The following NIN variants were observed in gnomAD, a reference collection of about 807,000 sequenced individuals.
NIN encodes ninein.
In NIN, 137 loss-of-function variants were observed where a neutral mutation model predicts 257.6. The ratio of observed to expected loss-of-function variants is 0.53; its 90% confidence interval spans 0.46 to 0.61. The LOEUF (loss-of-function observed/expected upper bound fraction) is 0.61. NIN is among the 20% of genes least tolerant of loss of function. The pLI, the probability that NIN is intolerant of heterozygous loss-of-function variation, is 0.00. For missense variants in NIN, 2,439 were observed against 2,501.2 expected, an observed-to-expected ratio of 0.98 and a Z score of 0.53; for synonymous variants, 918 against 919.8, an observed-to-expected ratio of 1.00 and a Z score of 0.04.
At chr14:50,745,189 G>T (rs914561789) in intron 22 of NIN, among the ~76,000 whole-genome samples, 1 of 152,114 alleles carries the variant, frequency 6.6e-6, no homozygotes, top group African/African-American at 2.4e-5. Flanking sequence ...TTTTGGGCTG[G>T]ATAATTCTTC....
At chr14:50,815,115 T>C (rs1254933840) in intron 3 of NIN, among the ~76,000 whole-genome samples, 1 of 152,080 alleles carries the variant, frequency 6.6e-6, no homozygotes, top group Non-Finnish European at 1.5e-5. Flanking sequence ...ACCTACAGAA[T>C]AGGAGAAAAT....
At chr14:50,732,204 C>T (rs2040746940) in intron 28 of NIN, among the ~76,000 whole-genome samples, 1 of 152,100 alleles carries the variant, frequency 6.6e-6, no homozygotes. Context: ...GACTACTTCC[C>T]CCAAGGGAGT....
Position 50,791,805 on chromosome 14 carries a change from G to GCACACACACAAACACA in NIN, c.435+906_435+907insTGTGTTTGTGTGTGTG, listed in dbSNP as rs1254307573. Among the ~76,000 whole-genome samples, 19 of 23,098 alleles carry GCACACACACAAACACA rather than the reference G, an allele frequency of 8.2e-4. No homozygotes were observed. In the East Asian group the frequency reaches 0.045, roughly 55 times the overall value. The allele number at this position is 23,098 out of a possible 152,430, so 15.2% of individuals were successfully genotyped here. On this transcript the variant is annotated intron_variant, in intron 5 of 30. Coordinates refer to ENST00000530997, the MANE Select transcript of NIN (RefSeq NM_020921.4). ...GACCACAATGAACACACAGGTGCAC[G>GCACACACACAAACACA]CGCACACACACACACACACACACAC...
chr14:50,789,296 C>T (rs1481201155), intron 5 of NIN, among the ~76,000 whole-genome samples: 1 of 152,144 alleles, frequency 6.6e-6, no homozygotes, highest in Non-Finnish European at 1.5e-5. Flanking sequence ...TGTCAGAGGC[C>T]GGGAGCGGTG....
chr14:50,790,356 A>G (rs1179712358), intron 5 of NIN, among the ~76,000 whole-genome samples: 1 of 152,156 alleles, frequency 6.6e-6, no homozygotes, highest in East Asian at 1.9e-4. Context: ...CAGCACTGAA[A>G]CTTAATTTTT....
chr14:50,731,004 G>A (rs751596271), intron 28 of NIN: 11 of 1,237,596 alleles, frequency 8.9e-6, no homozygotes, highest in Admixed American at 4.0e-5. Flanking sequence ...GTTAGCCACA[G>A]ACAAGACAAA....
chr14:50,823,145 T>A (rs755682751), intron 2 of NIN: 2 of 533,942 alleles, frequency 3.7e-6, no homozygotes, highest in East Asian at 8.4e-5. Flanking sequence ...ATTTTACTAA[T>A]GAAATCTGTG....
chr14:50,725,111 TTTTC>T (rs1386708708), intron 30 of NIN, among the ~76,000 whole-genome samples: 1 of 152,170 alleles, frequency 6.6e-6, no homozygotes, highest in Non-Finnish European at 1.5e-5. Context: ...GAATGGGACT[TTTTC>T]TTCCCTGTGT....
rs201200700 is a variant in NIN, at chr14:50,752,049, AT to A, written c.4950+468del. Among the ~76,000 whole-genome samples, 1,024 of 152,182 alleles carry A rather than the reference AT, an allele frequency of 6.7e-3. 15 individuals are homozygous for A. Among genetic ancestry groups the A allele is most frequent in the African/African-American group, 0.023 (944 of 41,522 alleles). On this transcript the variant is annotated intron_variant, in intron 21 of 30. Transcript: ENST00000530997. The stretch of plus-strand genomic sequence containing the variant: ...CCAAGTAAACTTTTTTTAACATATA[AT>A]CAGTGTTTTCTTTTATTGCCTCCGG...
intron 7 of NIN, among the ~76,000 whole-genome samples, chr14:50,774,978 G>C (rs1373836665): frequency 2.6e-5 from 4 of 152,212 alleles, no homozygotes; most frequent in Non-Finnish European, 5.9e-5. Flanking sequence ...TCTTTGGATA[G>C]CTGGTTTGCT....
chr14:50,763,727 T>TGG, intron 15 of NIN, 99 bp downstream of exon 15: 1 of 971,420 alleles, frequency 1.0e-6, no homozygotes, highest in East Asian at 2.5e-5. Context: ...TTTTTTTTTT[T>TGG]CTTTTTTCAA....
chr14:50,763,426 C>T (rs1785723310), intron 15 of NIN, among the ~76,000 whole-genome samples: 1 of 152,212 alleles, frequency 6.6e-6, no homozygotes, highest in South Asian at 2.1e-4. Flanking sequence ...TAGTATCTGG[C>T]TGGCCTGCTC....
chr14:50,768,231 A>C (rs2042586708), intron 12 of NIN, among the ~76,000 whole-genome samples: 1 of 152,052 alleles, frequency 6.6e-6, no homozygotes, highest in African/African-American at 2.4e-5. Flanking sequence ...ACCCTCATAC[A>C]GCAATATAAG....
chr14:50,796,887 T>C (rs139282342), intron 4 of NIN, among the ~76,000 whole-genome samples: 12 of 152,318 alleles, frequency 7.9e-5, no homozygotes, highest in African/African-American at 2.9e-4. Context: ...CTGCATCAGA[T>C]GTGATACAGG....
At chr14:50,761,304 T>C (rs936465545) in intron 16 of NIN, among the ~76,000 whole-genome samples, 2 of 152,024 alleles carry the variant, frequency 1.3e-5, no homozygotes, top group East Asian at 1.9e-4. Flanking sequence ...ATCAGCATAG[T>C]TTGTAACAGC....
At chr14:50,828,679 A>T (rs2045570860) in intron 2 of NIN, among the ~76,000 whole-genome samples, 1 of 152,246 alleles carries the variant, frequency 6.6e-6, no homozygotes, top group South Asian at 2.1e-4. Context: ...CATTATCAAC[A>T]TAAAATGGAA....
intron 27 of NIN, among the ~76,000 whole-genome samples, chr14:50,737,114 C>G (rs1480541063): frequency 6.6e-6 from 1 of 152,168 alleles, no homozygotes; most frequent in Non-Finnish European, 1.5e-5. Context: ...TACAGTGCAG[C>G]AGAAATGTTG....
chr14:50,735,454 A>G, intron 28 of NIN, 62 bp downstream of exon 28: 2 of 1,575,852 alleles, frequency 1.3e-6, no homozygotes, highest in Non-Finnish European at 1.7e-6. Flanking sequence ...CTCTCCCAAC[A>G]AATACCTCAT....
chr14:50,772,513 C>CTAGATAG (rs755619646), intron 8 of NIN, 45 bp from the exon 9 acceptor site: 1 of 1,584,370 alleles, frequency 6.3e-7, no homozygotes, highest in Non-Finnish European at 8.7e-7. Context: ...TGATTCCAGG[C>CTAGATAG]ATTTCAACAA....
Sources: allele counts gnomAD v4.1 joint callset (sites outside exome capture counted in the v4.1 genomes callset), GRCh38; gene constraint gnomAD v4.1.1; transcripts MANE v1.5; gene names NCBI Gene and HGNC (gene_info 2026-07-23, HGNC 2026-07-21).